Variants in GNB4 observed in about 807,000 individuals in gnomAD.
GNB4 encodes G protein subunit beta 4, also known as guanine nucleotide-binding protein subunit beta-4.
GNB4 carries 28 observed loss-of-function variants against 45.2 expected under a neutral mutation model. The ratio of observed to expected loss-of-function variants is 0.62; its 90% CI spans 0.46 to 0.85. GNB4 has a LOEUF of 0.85. Among genes scored for constraint, GNB4 ranks in the 40% least tolerant of loss-of-function variants. GNB4 has a pLI of 0.00. For synonymous variants in GNB4, 132 were observed against 143.7 expected, an observed-to-expected ratio of 0.92 and a Z score of 0.58; for missense variants, 321 against 425.4, an observed-to-expected ratio of 0.75 and a Z score of 2.16.
intron 1 of GNB4, among the ~76,000 whole-genome samples, chr3:179,440,068 A>T (rs574122887): frequency 3.9e-4 from 60 of 152,340 alleles, no homozygotes; most frequent in African/African-American, 1.4e-3. Flanking sequence ...AGAAGTTCCT[A>T]TATAAATTGC....
At chr3:179,492,185 C>T in the GNB4 span, among the ~76,000 whole-genome samples, 1 of 152,174 alleles carries the variant, frequency 6.6e-6, no homozygotes, top group Non-Finnish European at 1.5e-5. Context: ...AAAACTCTAG[C>T]AGCCCTCATT....
At chr3:179,515,544 A>C in the GNB4 span, among the ~76,000 whole-genome samples, 1 of 152,194 alleles carries the variant, frequency 6.6e-6, no homozygotes, top group African/African-American at 2.4e-5. Context: ...AGCCAGGAGA[A>C]GGAATTTCAC....
the GNB4 span, among the ~76,000 whole-genome samples, chr3:179,490,659 G>T: frequency 6.6e-6 from 1 of 152,314 alleles, no homozygotes; most frequent in Non-Finnish European, 1.5e-5. Context: ...GAAAAAGAGT[G>T]TATCCCGGTT....
chr3:179,520,267 T>A, the GNB4 span, among the ~76,000 whole-genome samples: 3 of 151,498 alleles, frequency 2.0e-5, no homozygotes, highest in Admixed American at 6.6e-5. Context: ...CCCAAATTTC[T>A]TCCTCAGCTG....
chr3:179,504,323 T>C, the GNB4 span, among the ~76,000 whole-genome samples: 1 of 152,138 alleles, frequency 6.6e-6, no homozygotes, highest in South Asian at 2.1e-4. Context: ...TCTGAATATA[T>C]ATGATTTTCT....
At chr3:179,469,958 A>G in the GNB4 span, among the ~76,000 whole-genome samples, 1 of 152,350 alleles carries the variant, frequency 6.6e-6, no homozygotes, top group East Asian at 1.9e-4. Flanking sequence ...CAATGTTTCA[A>G]TCAACTATGA....
intron 2 of GNB4, among the ~76,000 whole-genome samples, chr3:179,422,644 A>G (rs1192858022): frequency 1.3e-5 from 2 of 152,214 alleles, no homozygotes; most frequent in Non-Finnish European, 2.9e-5. Flanking sequence ...ACACAAGAAA[A>G]CAAAATCTAT....
chr3:179,490,173 G>A, the GNB4 span, among the ~76,000 whole-genome samples: 3 of 152,198 alleles, frequency 2.0e-5, no homozygotes, highest in Admixed American at 6.5e-5. Context: ...CAGATGTACT[G>A]GAGAAGATTA....
intron 8 of GNB4, among the ~76,000 whole-genome samples, chr3:179,406,363 AT>A (rs1478731544): frequency 6.6e-6 from 1 of 152,130 alleles, no homozygotes; most frequent in Non-Finnish European, 1.5e-5. Flanking sequence ...CCTGTATTAT[AT>A]GTAGTGTATT....
chr3:179,464,721 G>A, the GNB4 span: 5 of 1,049,860 alleles, frequency 4.8e-6, no homozygotes, highest in Non-Finnish European at 7.5e-6. Context: ...TTATGATAAT[G>A]TAGATGGCCT....
At chr3:179,425,796 T>C (rs2108602663) in intron 2 of GNB4, among the ~76,000 whole-genome samples, 1 of 152,324 alleles carries the variant, frequency 6.6e-6, no homozygotes, top group South Asian at 2.1e-4. Context: ...ACCTAATTAA[T>C]GTATAGATTA....
chr3:179,478,572 C>T, the GNB4 span, among the ~76,000 whole-genome samples: 3 of 152,032 alleles, frequency 2.0e-5, no homozygotes, highest in South Asian at 6.2e-4. Context: ...CAATTAGGGC[C>T]TCGCTCTGTC....
At chr3:179,489,110 C>G in the GNB4 span, among the ~76,000 whole-genome samples, 2 of 133,692 alleles carry the variant, frequency 1.5e-5, no homozygotes, top group African/African-American at 5.6e-5. Context: ...ATCAGAAAAT[C>G]ACTATGAATT....
At chr3:179,468,705 C>T in the GNB4 span, among the ~76,000 whole-genome samples, 35 of 152,120 alleles carry the variant, frequency 2.3e-4, no homozygotes, top group Admixed American at 6.6e-5. Flanking sequence ...ATATAGCAGG[C>T]CCTGAAAGAT....
Position 179,431,474 on chromosome 3 carries a change from G to C in GNB4, c.-42-5232C>G, listed in dbSNP as rs983764290. The stretch of plus-strand genomic sequence containing the variant: ...CTCGGGAAATTGAGGCAGGAGAATC[G>C]CTTGAACCCAGGATGCAGAGGCTGC... On this transcript the variant is annotated intron_variant, in intron 1 of 9. Coordinates refer to ENST00000232564, the MANE Select transcript of GNB4 (RefSeq NM_021629.4). Among the ~76,000 whole-genome samples the C allele has an allele frequency of 5.3e-5, 8 of 150,560 alleles. No homozygotes were observed. In the Admixed American group the frequency reaches 5.3e-4, roughly 10 times the overall value.
At chr3:179,511,277 C>G in the GNB4 span, among the ~76,000 whole-genome samples, 4 of 152,230 alleles carry the variant, frequency 2.6e-5, no homozygotes, top group Admixed American at 2.6e-4. Context: ...ATGTCTCCTT[C>G]TCTCACTATA....
the GNB4 span, among the ~76,000 whole-genome samples, chr3:179,478,809 G>A: frequency 6.6e-6 from 1 of 152,180 alleles, no homozygotes; most frequent in African/African-American, 2.4e-5. Flanking sequence ...TCATGGGGCA[G>A]AGTTCTCATG....
At chr3:179,510,596 T>C in the GNB4 span, among the ~76,000 whole-genome samples, 2 of 150,976 alleles carry the variant, frequency 1.3e-5, no homozygotes, top group African/African-American at 4.9e-5. Flanking sequence ...GCTTCCTATT[T>C]GCTCTTTTTT....
At chr3:179,453,849 G>GA (rs879792473), upstream of GNB4, among the ~76,000 whole-genome samples, 29,655 of 134,434 alleles carry the variant, frequency 0.22, 3,239 homozygotes, top group African/African-American at 0.31. Flanking sequence ...TATTGTTCTG[G>GA]AAAAAAAAAA....
Sources: gnomAD v4.1 joint callset for allele counts (sites outside exome capture counted in the v4.1 genomes callset) on GRCh38, gnomAD v4.1.1 for gene constraint, MANE v1.5 for transcripts, NCBI Gene and HGNC (gene_info 2026-07-23, HGNC 2026-07-21) for gene names.